Variants in CDH13 observed in about 807,000 individuals in gnomAD.
CDH13 encodes cadherin-13.
CDH13 carries 24 observed loss-of-function variants against 63.8 expected under a neutral mutation model. The observed-to-expected ratio is 0.38, with a 90% CI of 0.27 to 0.53. CDH13 has a LOEUF of 0.53. Among genes scored for constraint, CDH13 ranks in the 20% least tolerant of loss-of-function variants. The probability of loss-of-function intolerance (pLI) is 0.85; values close to 1 mark genes in which losing one functional copy is unlikely to be tolerated. For missense variants in CDH13, 1,049 were observed against 903.1 expected (o/e 1.16, Z -2.07); for synonymous variants, 503 against 355.3 (o/e 1.42, Z -4.67).
At chr16:82,760,466 T>C (rs1251068247) in intron 1 of CDH13, among the ~76,000 whole-genome samples, 2 of 152,178 alleles carry the variant, frequency 1.3e-5, no homozygotes, top group African/African-American at 4.8e-5. Flanking sequence ...TTTTGTACTT[T>C]TATTAATATT....
At chr16:83,515,346 G>A (rs1437344555) in intron 7 of CDH13, among the ~76,000 whole-genome samples, 19 of 152,166 alleles carry the variant, frequency 1.2e-4, no homozygotes, top group Admixed American at 1.2e-3. Context: ...ACTTCTCTCT[G>A]CAGTAACTTT....
In CDH13 at chr16:83,681,600, T is replaced by A. The variant is rs192690411; in HGVS notation, c.1538+3139T>A. ...CCCTCCTACCCACCTTTCCCTCCTT[T>A]CTCTTTCTTCCCCTCCACCCCTCTC... On this transcript the variant is annotated intron_variant, in intron 10 of 13. Transcript: ENST00000567109. Among the ~76,000 whole-genome samples the A allele has an allele frequency of 1.7e-3, 263 of 152,104 alleles. 1 individual carries two copies. Among genetic ancestry groups the A allele is most frequent in the Middle Eastern group, 3.4e-3 (1 of 294 alleles).
chr16:82,818,321 C>G (rs982279788), intron 1 of CDH13, among the ~76,000 whole-genome samples: 16 of 152,052 alleles, frequency 1.1e-4, no homozygotes, highest in African/African-American at 3.9e-4. Context: ...GATATTCAAA[C>G]TAAGGACTAA....
chr16:83,447,924 C>G (rs1261033177), intron 6 of CDH13, among the ~76,000 whole-genome samples: 3 of 152,022 alleles, frequency 2.0e-5, no homozygotes, highest in Middle Eastern at 3.4e-3. Context: ...AGAAGTTGCC[C>G]CACCTCTCTG....
At chr16:82,892,909 G>C (rs1357240527) in intron 2 of CDH13, among the ~76,000 whole-genome samples, 1 of 152,134 alleles carries the variant, frequency 6.6e-6, no homozygotes, top group East Asian at 1.9e-4. Flanking sequence ...ATTTAAAAGA[G>C]TAATCCCTAA....
At chr16:82,667,113 T>C (rs1361153255) in intron 1 of CDH13, among the ~76,000 whole-genome samples, 2 of 152,202 alleles carry the variant, frequency 1.3e-5, no homozygotes, top group Admixed American at 1.3e-4. Context: ...TCAGAAGTTA[T>C]CTGATGCCAG....
At chr16:82,958,214 T>C (rs530854720) in intron 2 of CDH13, among the ~76,000 whole-genome samples, 1 of 152,304 alleles carries the variant, frequency 6.6e-6, no homozygotes, top group South Asian at 2.1e-4. Context: ...AAAATGAGAA[T>C]AACTTGAATA....
intron 5 of CDH13, among the ~76,000 whole-genome samples, chr16:83,242,652 G>C (rs1028542460): frequency 6.6e-6 from 1 of 152,174 alleles, no homozygotes; most frequent in African/African-American, 2.4e-5. Context: ...TCATAGAAGA[G>C]GCAAAATTCT....
intron 6 of CDH13, among the ~76,000 whole-genome samples, chr16:83,436,159 T>C (rs1033887689): frequency 1.3e-5 from 2 of 152,200 alleles, no homozygotes; most frequent in African/African-American, 4.8e-5. Flanking sequence ...GATGCCCTGC[T>C]CTAGAAACTG....
intron 2 of CDH13, among the ~76,000 whole-genome samples, chr16:83,002,637 C>T (rs1913060198): frequency 1.3e-5 from 2 of 152,114 alleles, no homozygotes; most frequent in Non-Finnish European, 2.9e-5. Context: ...GGGTTGTGAT[C>T]AATGTAACAC....
chr16:83,418,645 A>G (rs1330527399), intron 6 of CDH13, among the ~76,000 whole-genome samples: 1 of 152,156 alleles, frequency 6.6e-6, no homozygotes, highest in Admixed American at 6.5e-5. Flanking sequence ...AAGTGTTGCT[A>G]GAACTTGGCC....
chr16:82,681,730 C>T (rs1914571337), intron 1 of CDH13, among the ~76,000 whole-genome samples: 1 of 152,204 alleles, frequency 6.6e-6, no homozygotes, highest in Non-Finnish European at 1.5e-5. Flanking sequence ...AGGGCTCTCT[C>T]CGGCTGCCAA....
intron 2 of CDH13, among the ~76,000 whole-genome samples, chr16:82,929,994 G>A (rs534069765): frequency 8.0e-5 from 12 of 150,312 alleles, no homozygotes; most frequent in African/African-American, 1.5e-4. Context: ...TATTCCACAA[G>A]GGAAATCACT....
intron 1 of CDH13, among the ~76,000 whole-genome samples, chr16:82,667,070 C>G (rs750274005): frequency 7.9e-5 from 12 of 152,150 alleles, no homozygotes; most frequent in African/African-American, 2.4e-4. Context: ...ATCAGCTGTT[C>G]CTTCTAGAGG....
intron 7 of CDH13, among the ~76,000 whole-genome samples, chr16:83,509,024 C>T (rs1012818922): frequency 6.6e-6 from 1 of 152,196 alleles, no homozygotes; most frequent in Non-Finnish European, 1.5e-5. Flanking sequence ...ATAGCATGCA[C>T]ACATCACAGA....
chr16:83,269,694 G>T (rs1334386765), intron 5 of CDH13, among the ~76,000 whole-genome samples: 1 of 152,142 alleles, frequency 6.6e-6, no homozygotes, highest in Non-Finnish European at 1.5e-5. Context: ...CCAGTACCCT[G>T]AATGAGTGCT....
chr16:82,638,767 C>T (rs1909003536), intron 1 of CDH13, among the ~76,000 whole-genome samples: 4 of 147,066 alleles, frequency 2.7e-5, no homozygotes, highest in Admixed American at 2.7e-4. Context: ...GGGATCTCAT[C>T]TTCTTAATGT....
chr16:83,520,905 G>A (rs891443219), intron 7 of CDH13, among the ~76,000 whole-genome samples: 1 of 152,026 alleles, frequency 6.6e-6, no homozygotes, highest in African/African-American at 2.4e-5. Flanking sequence ...TCCTTTGAAG[G>A]GAGAGCAATG....
At chr16:83,593,541 C>T (rs1906962695) in intron 7 of CDH13, among the ~76,000 whole-genome samples, 1 of 151,234 alleles carries the variant, frequency 6.6e-6, no homozygotes, top group South Asian at 2.1e-4. Context: ...ACAGGTATAC[C>T]ACTCTATTCA....
Sources: gnomAD v4.1 joint callset for allele counts (sites outside exome capture counted in the v4.1 genomes callset) on GRCh38, gnomAD v4.1.1 for gene constraint, MANE v1.5 for transcripts, NCBI Gene and HGNC (gene_info 2026-07-23, HGNC 2026-07-21) for gene names.